The following KIF27 variants were observed in gnomAD, a reference collection of about 807,000 sequenced individuals.
KIF27 encodes kinesin-like protein KIF27.
A neutral mutation model predicts 141.8 loss-of-function variants in KIF27; 84 were observed. The observed-to-expected ratio is 0.59, with a 90% CI of 0.50 to 0.71. The LOEUF (loss-of-function observed/expected upper bound fraction) is 0.71, where lower values mean the gene tolerates loss of function less well. Among genes scored for constraint, KIF27 ranks in the 30% least tolerant of loss-of-function variants. The pLI is 0.00. For missense variants in KIF27, 1,306 were observed against 1,628.4 expected (o/e 0.80, Z 3.41); for synonymous variants, 471 against 569.5 (o/e 0.83, Z 2.46).
At position 83,903,192 on chromosome 9, in the gene KIF27, C is replaced by T. The variant is rs376468427; in HGVS notation, c.1326G>A (p.Trp442Ter). Reference sequence around the variant, plus strand: ...TCCTGACCTCTTGGATCATGTTAAACCACTCCTGCAGTTTGTGTTGCTGCT... The same window carrying T: ...TCCTGACCTCTTGGATCATGTTAAATCACTCCTGCAGTTTGTGTTGCTGCT... ...NEKQQHKLQE[W>*]FNMIQEVRKA... Residue 442 changes from tryptophan to a stop codon, truncating the protein, a stop_gained, in exon 4 of 18, where the codon TGG becomes TGA. Coordinates refer to ENST00000297814, the MANE Select transcript of KIF27 (RefSeq NM_017576.4). LOFTEE classifies it high-confidence loss of function. 5.1e-5 allele frequency: 83 copies of T among 1,614,066 alleles called. No individual in the cohort carries two copies. The highest frequency in any genetic ancestry group is 6.8e-5 in the Non-Finnish European group (80 of 1,180,042).
At chr9:83,915,093 TAA>T (rs952168986) in intron 2 of KIF27, among the ~76,000 whole-genome samples, 199 bp downstream of exon 2, 3 of 152,224 alleles carry the variant, frequency 2.0e-5, no homozygotes, top group African/African-American at 7.2e-5. Flanking sequence ...AATATAATCC[TAA>T]GTTAGATTGC....
At chr9:83,848,406 T>A (rs971470662) in intron 16 of KIF27, among the ~76,000 whole-genome samples, 1 of 136,766 alleles carries the variant, frequency 7.3e-6, no homozygotes, top group African/African-American at 2.7e-5. Context: ...TATATATGCA[T>A]ATATGATATA....
rs12337093 is a variant in KIF27, at chr9:83,919,221, T to G, written c.-88+2150A>C. ...CACTATTTGTGGGAAGGTAAAATGG[T>G]ATAGCCACTTTGGAAAACAGACTGA... On this transcript the variant is annotated intron_variant, in intron 1 of 17. Coordinates refer to ENST00000297814, the MANE Select transcript of KIF27 (RefSeq NM_017576.4). 4.5e-3 allele frequency among the ~76,000 whole-genome samples: 692 copies of G among 152,268 alleles called. 7 individuals are homozygous for G. Among genetic ancestry groups the G allele is most frequent in the African/African-American group, 0.016 (662 of 41,550 alleles).
rs1952652515 is a variant in KIF27 at position 83,891,285 on chromosome 9, T to C, written c.1809+10A>G. The C allele has an allele frequency of 1.2e-6, 2 of 1,606,710 alleles. No homozygotes were observed. The highest frequency in any genetic ancestry group is 2.7e-5 in the African/African-American group (2 of 74,680). On this transcript the variant is annotated intron_variant, in intron 6 of 17. Transcript: ENST00000297814. ...ATCTCCAAATAAGGAAAAGATTGTT[T>C]GGACTTTACCTTCCTGGAATCTTGT...
chr9:83,902,733 A>G (rs1954053149), intron 4 of KIF27, among the ~76,000 whole-genome samples: 1 of 152,214 alleles, frequency 6.6e-6, no homozygotes, highest in Non-Finnish European at 1.5e-5. Context: ...TATTTAATAA[A>G]TATAACAAAT....
rs1389804058 is a variant in KIF27 at position 83,836,215 on chromosome 9, TA to T, written c.*785del. ...ATACTCCATGTGACCAGAGATGTCA[TA>T]ACCAGTGTTCTTTCTCTTGAAATGT... On this transcript the variant is annotated 3_prime_UTR_variant, in exon 18 of 18. Transcript: ENST00000297814. Among the ~76,000 whole-genome samples, 2 of 152,174 alleles carry T rather than the reference TA, an allele frequency of 1.3e-5. No individual in the cohort carries two copies. Among genetic ancestry groups the T allele is most frequent in the African/African-American group, 4.8e-5 (2 of 41,452 alleles).
chr9:83,896,061 A>C (rs1218705039), intron 5 of KIF27, among the ~76,000 whole-genome samples: 5 of 149,416 alleles, frequency 3.3e-5, no homozygotes, highest in African/African-American at 4.9e-5. Flanking sequence ...CAAAAAAAAA[A>C]AAAAAAAAAA....
At chr9:83,878,215 C>CTACTCAGA (rs1951385234) in intron 11 of KIF27, among the ~76,000 whole-genome samples, 1 of 139,794 alleles carries the variant, frequency 7.2e-6, no homozygotes, top group Non-Finnish European at 1.5e-5. Flanking sequence ...AACTTCATAC[C>CTACTCAGA]TACTCAGATG....
chr9:83,850,148 C>T lies in KIF27; in HGVS notation c.3507G>A (p.Gln1169=), dbSNP rs1948377860. 2 of 1,613,930 alleles carry T rather than the reference C, an allele frequency of 1.2e-6. No homozygotes were observed. Among genetic ancestry groups the T allele is most frequent in the Admixed American group, 1.7e-5 (1 of 60,010 alleles). The change falls in exon 16 of 18, where the codon CAG becomes CAA. Residue 1169 remains glutamine (Q), a synonymous_variant. Transcript: ENST00000297814. ...KLQCDRRLTL[Q]QKEHEQKMQL... is the part of the protein sequence containing the mutation. ...GCATCTTTTGTTCGTGTTCCTTTTGCTGGAGGGTCAGTCTCCGGTCACACT... is the reference window on the plus strand; with the variant it reads ...GCATCTTTTGTTCGTGTTCCTTTTGTTGGAGGGTCAGTCTCCGGTCACACT...
At position 83,867,895 on chromosome 9, in the gene KIF27, T is replaced by C. The variant is rs1950500431; in HGVS notation, c.2758-35A>G. The C allele has an allele frequency of 5.8e-6, 9 of 1,542,794 alleles. No homozygotes were observed. The East Asian group carries it at 2.0e-4, about 35-fold the overall frequency. On this transcript the variant is annotated intron_variant, in intron 12 of 17. Coordinates refer to ENST00000297814, the MANE Select transcript of KIF27 (RefSeq NM_017576.4). Reference sequence around the variant, plus strand: ...AATTAAAAAAAAAGTTACTTGTTTTTCCTTCTGCCATAAAAATTATATGGT... The same window carrying C: ...AATTAAAAAAAAAGTTACTTGTTTTCCCTTCTGCCATAAAAATTATATGGT...
At chr9:83,873,820 C>G (rs149084542) in intron 11 of KIF27, among the ~76,000 whole-genome samples, 1 of 152,134 alleles carries the variant, frequency 6.6e-6, no homozygotes, top group Non-Finnish European at 1.5e-5. Context: ...GAGGCCAAGG[C>G]GGGTAGATCA....
chr9:83,919,525 A>G (rs1279785592), intron 1 of KIF27, among the ~76,000 whole-genome samples: 1 of 152,172 alleles, frequency 6.6e-6, no homozygotes, highest in Non-Finnish European at 1.5e-5. Context: ...TAAGTAACAC[A>G]GACAACTAGA....
chr9:83,862,014 G>A (rs1949968774), intron 13 of KIF27, among the ~76,000 whole-genome samples: 1 of 151,942 alleles, frequency 6.6e-6, no homozygotes, highest in South Asian at 2.1e-4. Flanking sequence ...TCGCCCACTT[G>A]TTGATGGGGT....
At chr9:83,914,818 A>G (rs796550029) in intron 2 of KIF27, among the ~76,000 whole-genome samples, 8 of 152,284 alleles carry the variant, frequency 5.3e-5, no homozygotes, top group African/African-American at 1.9e-4. Flanking sequence ...TCCAAACTAC[A>G]ATTATAAGCA....
chr9:83,896,990 TA>T (rs1953326017), intron 5 of KIF27, among the ~76,000 whole-genome samples: 2 of 152,164 alleles, frequency 1.3e-5, no homozygotes, highest in African/African-American at 2.4e-5. Flanking sequence ...AAAAATATTC[TA>T]AAATTAGATG....
chr9:83,908,042 T>C (rs1321467651), intron 3 of KIF27, among the ~76,000 whole-genome samples: 2 of 152,148 alleles, frequency 1.3e-5, no homozygotes, highest in Admixed American at 6.5e-5. Context: ...GGCAGGCGGA[T>C]CACGAGGTCA....
intron 2 of KIF27, among the ~76,000 whole-genome samples, chr9:83,911,945 G>A (rs1045864217): frequency 2.6e-5 from 4 of 152,080 alleles, no homozygotes; most frequent in East Asian, 1.9e-4. Flanking sequence ...CTTCTGTTTC[G>A]GTGATGAAAA....
intron 11 of KIF27, among the ~76,000 whole-genome samples, chr9:83,876,531 A>G (rs917551519): frequency 2.0e-4 from 31 of 152,216 alleles, no homozygotes; most frequent in African/African-American, 7.2e-4. Context: ...TCAAAATTCC[A>G]ATGGCCTTTT....
Position 83,836,405 on chromosome 9 carries a change from A to T in KIF27, c.*596T>A, listed in dbSNP as rs1300847958. 1.3e-5 allele frequency among the ~76,000 whole-genome samples: 2 copies of T among 152,198 alleles called. No homozygotes were observed. The highest frequency in any genetic ancestry group is 2.9e-5 in the Non-Finnish European group (2 of 68,032). Reference sequence around the variant, plus strand: ...GCAAACATAAAAGATAGCATTATAAATTTTTAAAAATCCAAAAAAATTCCA... The same window carrying T: ...GCAAACATAAAAGATAGCATTATAATTTTTTAAAAATCCAAAAAAATTCCA... On this transcript the variant is annotated 3_prime_UTR_variant, in exon 18 of 18. Coordinates refer to ENST00000297814, the MANE Select transcript of KIF27 (RefSeq NM_017576.4).
Sources: gnomAD v4.1 joint callset for allele counts (sites outside exome capture counted in the v4.1 genomes callset) on GRCh38, gnomAD v4.1.1 for gene constraint, MANE v1.5 for transcripts, NCBI Gene and HGNC (gene_info 2026-07-23, HGNC 2026-07-21) for gene names.